GALNT13: variants seen among roughly 807,000 people sequenced by gnomAD.
GALNT13 encodes polypeptide N-acetylgalactosaminyltransferase 13.
GALNT13 carries 28 observed loss-of-function variants against 64.2 expected under a neutral mutation model. That is an observed-to-expected ratio of 0.44 (90% CI 0.32 to 0.60). The LOEUF is 0.60. GALNT13 is among the 20% of genes least tolerant of loss of function. The probability of loss-of-function intolerance (pLI) is 0.05; values close to 1 mark genes in which losing one functional copy is unlikely to be tolerated. For synonymous variants in GALNT13, 214 were observed against 224.6 expected (o/e 0.95, Z 0.42); for missense variants, 577 against 669.8 (o/e 0.86, Z 1.53).
the GALNT13 span, among the ~76,000 whole-genome samples, chr2:153,215,208 TC>T: frequency 6.6e-6 from 1 of 152,214 alleles, no homozygotes; most frequent in African/African-American, 2.4e-5. Flanking sequence ...AGCTTCTTGC[TC>T]TTTCCCACTA....
intron 3 of GALNT13, among the ~76,000 whole-genome samples, chr2:154,045,590 A>G (rs1699236783): frequency 6.6e-6 from 1 of 152,124 alleles, no homozygotes; most frequent in Non-Finnish European, 1.5e-5. Flanking sequence ...TCTGGACGCA[A>G]GTGTTTTTGC....
chr2:153,647,063 A>T, the GALNT13 span, among the ~76,000 whole-genome samples: 1 of 152,176 alleles, frequency 6.6e-6, no homozygotes, highest in Non-Finnish European at 1.5e-5. Flanking sequence ...AGGTTGAACT[A>T]GTTTACAGTC....
At chr2:154,097,351 G>T (rs1006427307) in intron 3 of GALNT13, among the ~76,000 whole-genome samples, 4 of 151,962 alleles carry the variant, frequency 2.6e-5, no homozygotes, top group African/African-American at 9.7e-5. Flanking sequence ...GCTATTACAG[G>T]TTAATGATGT....
chr2:154,153,655 C>A (rs13033937), intron 4 of GALNT13, among the ~76,000 whole-genome samples: 12 of 152,268 alleles, frequency 7.9e-5, no homozygotes, highest in Admixed American at 3.3e-4. Flanking sequence ...CTCTCCCAGC[C>A]TGGCTGCCAC....
chr2:153,526,950 G>T, the GALNT13 span, among the ~76,000 whole-genome samples: 1 of 151,938 alleles, frequency 6.6e-6, no homozygotes, highest in Non-Finnish European at 1.5e-5. Context: ...AGCAGAAGAA[G>T]AAACCCTTAA....
the GALNT13 span, among the ~76,000 whole-genome samples, chr2:153,680,067 C>T: frequency 1.3e-5 from 2 of 151,738 alleles, no homozygotes; most frequent in Admixed American, 6.6e-5. Context: ...CTTCATCCCA[C>T]AAGACTAGGG....
Position 154,015,746 on chromosome 2 carries a change from T to A in GALNT13, c.142+71107T>A, listed in dbSNP as rs373341801. ...ATCTTACTGTCACATATTTTGAATGTTCCTAGTTGCAATTAGTTTTCACCC... is the reference window on the plus strand; with the variant it reads ...ATCTTACTGTCACATATTTTGAATGATCCTAGTTGCAATTAGTTTTCACCC... On this transcript the variant is annotated intron_variant, in intron 3 of 12. Coordinates refer to ENST00000392825, the MANE Select transcript of GALNT13 (RefSeq NM_052917.4). Among the ~76,000 whole-genome samples the A allele has an allele frequency of 1.1e-4, 17 of 152,336 alleles. No individual in the cohort carries two copies. In the East Asian group the frequency reaches 3.3e-3, roughly 29 times the overall value.
intron 3 of GALNT13, among the ~76,000 whole-genome samples, chr2:154,083,826 A>G (rs1470032715): frequency 6.6e-6 from 1 of 151,868 alleles, no homozygotes; most frequent in Non-Finnish European, 1.5e-5. Flanking sequence ...GTGAAGTTTT[A>G]AAGAAAGTAA....
chr2:153,187,991 G>A, the GALNT13 span, among the ~76,000 whole-genome samples: 2 of 151,902 alleles, frequency 1.3e-5, no homozygotes, highest in Admixed American at 1.3e-4. Flanking sequence ...AGAAGCATTT[G>A]TTAAATATAA....
the GALNT13 span, among the ~76,000 whole-genome samples, chr2:153,172,655 A>G: frequency 6.6e-6 from 1 of 152,170 alleles, no homozygotes; most frequent in African/African-American, 2.4e-5. Context: ...ACCTGGGCAA[A>G]CAAAGAAATG....
intron 9 of GALNT13, among the ~76,000 whole-genome samples, chr2:154,337,876 G>A (rs1411890935): frequency 3.9e-5 from 6 of 151,930 alleles, no homozygotes; most frequent in African/African-American, 1.2e-4. Flanking sequence ...TGGAGAGAAA[G>A]CTCATTTATA....
chr2:154,135,619 A>G (rs561479693), intron 3 of GALNT13, among the ~76,000 whole-genome samples: 7 of 152,246 alleles, frequency 4.6e-5, no homozygotes, highest in African/African-American at 1.7e-4. Context: ...TTTGTTTCTA[A>G]GAGAAATGGG....
At chr2:153,701,874 T>G in the GALNT13 span, among the ~76,000 whole-genome samples, 3 of 152,132 alleles carry the variant, frequency 2.0e-5, no homozygotes, top group Non-Finnish European at 2.9e-5. Flanking sequence ...GCTTTTACAC[T>G]GTTGGTAGGA....
At chr2:154,250,304 T>C (rs1416542509) in intron 7 of GALNT13, among the ~76,000 whole-genome samples, 1 of 152,116 alleles carries the variant, frequency 6.6e-6, no homozygotes, top group East Asian at 1.9e-4. Flanking sequence ...TTGTATTTTC[T>C]TCTAAGGCTT....
the GALNT13 span, among the ~76,000 whole-genome samples, chr2:153,741,879 C>T: frequency 6.6e-6 from 1 of 151,976 alleles, no homozygotes; most frequent in Non-Finnish European, 1.5e-5. Flanking sequence ...GTATAGATTT[C>T]AAGGGTACAA....
At chr2:153,916,547 A>G (rs1031762972) in intron 2 of GALNT13, among the ~76,000 whole-genome samples, 2 of 152,124 alleles carry the variant, frequency 1.3e-5, no homozygotes, top group Non-Finnish European at 1.5e-5. Context: ...AGTTCAGCAA[A>G]TACTAGCTGT....
intron 3 of GALNT13, among the ~76,000 whole-genome samples, chr2:153,948,612 C>A (rs1691943823): frequency 6.6e-6 from 1 of 152,044 alleles, no homozygotes; most frequent in Non-Finnish European, 1.5e-5. Flanking sequence ...ACCTAAATGC[C>A]CATCAATCAT....
intron 9 of GALNT13, among the ~76,000 whole-genome samples, chr2:154,373,276 C>A (rs1366226335): frequency 6.6e-6 from 1 of 151,994 alleles, no homozygotes; most frequent in Non-Finnish European, 1.5e-5. Flanking sequence ...GTGCTAGTAA[C>A]CAAATTAAGT....
intron 3 of GALNT13, among the ~76,000 whole-genome samples, chr2:154,066,997 TTAAAG>T (rs1323996605): frequency 1.3e-5 from 2 of 151,958 alleles, no homozygotes. Flanking sequence ...GGAGACAAAG[TTAAAG>T]TACAGTGTTT....
Sources: allele counts gnomAD v4.1 joint callset (sites outside exome capture counted in the v4.1 genomes callset), GRCh38; gene constraint gnomAD v4.1.1; transcripts MANE v1.5; gene names NCBI Gene and HGNC (gene_info 2026-07-23, HGNC 2026-07-21).